ZNF215: variants seen among roughly 807,000 people sequenced by gnomAD.
ZNF215 encodes zinc finger protein 215, also known as BWSCR2-associated zinc finger protein 2.
Under a neutral mutation model 27.2 loss-of-function variants are expected in ZNF215, and 24 were observed. The ratio of observed to expected loss-of-function variants is 0.88; its 90% CI spans 0.64 to 1.24. The LOEUF (loss-of-function observed/expected upper bound fraction) is 1.24. Ranked by LOEUF, ZNF215 falls within the 50% of genes most tolerant of loss-of-function variation. The pLI, the probability that ZNF215 is intolerant of heterozygous loss-of-function variation, is 0.00. For missense variants in ZNF215, 675 were observed against 605.7 expected, an observed-to-expected ratio of 1.11 and a Z score of -1.20; for synonymous variants, 210 against 204.0, an observed-to-expected ratio of 1.03 and a Z score of -0.25.
At chr11:6,983,997 A>G (rs1333737025) in intron 5 of ZNF215, 3 of 252,416 alleles carry the variant, frequency 1.2e-5, no homozygotes, top group African/African-American at 2.4e-5. Context: ...CGCCTAAAAC[A>G]TGATAGTACT....
downstream of ZNF215, among the ~76,000 whole-genome samples, chr11:6,987,281 A>T (rs1389944756): frequency 1.3e-5 from 2 of 152,306 alleles, no homozygotes; most frequent in East Asian, 3.9e-4. Context: ...CAGAAAACCA[A>T]ATACCACTGG....
rs78895643 is a variant in ZNF215 at position 6,943,953 on chromosome 11, T to A, written c.712+312T>A. Among the ~76,000 whole-genome samples, 1,350 of 152,234 alleles carry A rather than the reference T, an allele frequency of 8.9e-3. 28 individuals carry two copies. The highest frequency in any genetic ancestry group is 0.031 in the African/African-American group (1,290 of 41,524). Reference sequence around the variant, plus strand: ...CCTCCAGGTTACTGTGAGGACTAAATGAGTTGGTGTGCCTAGTACACTTAG... The same window carrying A: ...CCTCCAGGTTACTGTGAGGACTAAAAGAGTTGGTGTGCCTAGTACACTTAG... On this transcript the variant is annotated intron_variant, in intron 6 of 6. Coordinates refer to ENST00000278319, the MANE Select transcript of ZNF215 (RefSeq NM_013250.4).
At chr11:6,931,345 GTCTCA>G (rs1175217446) in intron 2 of ZNF215, among the ~76,000 whole-genome samples, 1 of 152,148 alleles carries the variant, frequency 6.6e-6, no homozygotes, top group Non-Finnish European at 1.5e-5. Context: ...ACGTTTATGG[GTCTCA>G]TCTCCCTGTA....
chr11:6,961,476 A>C (rs1850516063), downstream of ZNF215, among the ~76,000 whole-genome samples: 1 of 152,174 alleles, frequency 6.6e-6, no homozygotes, highest in South Asian at 2.1e-4. Context: ...TGGGGTGCCC[A>C]AATTCTCAGC....
At chr11:6,928,292 A>G (rs761589743) in intron 2 of ZNF215, among the ~76,000 whole-genome samples, 3 of 152,066 alleles carry the variant, frequency 2.0e-5, no homozygotes, top group Non-Finnish European at 4.4e-5. Flanking sequence ...CCACTATACT[A>G]TTACTTTTTT....
chr11:6,991,994 C>T (rs1851121464), downstream of ZNF215, among the ~76,000 whole-genome samples: 1 of 152,128 alleles, frequency 6.6e-6, no homozygotes. Flanking sequence ...ACTCTTCTTC[C>T]TTAATAGAAT....
chr11:6,932,522 A>G lies in ZNF215; in HGVS notation c.250A>G (p.Lys84Glu), dbSNP rs1171859398. The G allele has an allele frequency of 1.2e-6, 2 of 1,614,098 alleles. No homozygotes were observed. The highest frequency in any genetic ancestry group is 2.2e-5 in the East Asian group (1 of 44,896). ...ATGGCTGAGACCAGAGATTCATACA[A>G]AGAAGCAGATTATAGAACTGTTGGT... ...LQWLRPEIHT[K>E]KQIIELLVLE... Residue 84 changes from lysine to glutamate, a missense_variant, in exon 3 of 7, where the codon AAG (lysine) becomes GAG (glutamate). Coordinates refer to ENST00000278319, the MANE Select transcript of ZNF215 (RefSeq NM_013250.4).
downstream of ZNF215, among the ~76,000 whole-genome samples, chr11:6,987,357 CTG>C (rs1564980670): frequency 1.3e-5 from 2 of 152,080 alleles, no homozygotes; most frequent in African/African-American, 4.8e-5. Context: ...AAAATAGACA[CTG>C]GGGAATACAA....
chr11:6,958,382 A>G (rs1850447303), downstream of ZNF215, among the ~76,000 whole-genome samples: 1 of 152,244 alleles, frequency 6.6e-6, no homozygotes, highest in Non-Finnish European at 1.5e-5. Flanking sequence ...GAGCCTAAGT[A>G]AAATACTTAT....
intron 3 of ZNF215, among the ~76,000 whole-genome samples, chr11:6,938,699 G>C (rs540086772): frequency 5.3e-5 from 8 of 152,218 alleles, no homozygotes; most frequent in Non-Finnish European, 1.0e-4. Flanking sequence ...GGAATGTCCA[G>C]AATAGGCAAA....
rs1850377569 is a variant in ZNF215, at chr11:6,956,785, T to A, written c.*254T>A. ...ACAGTATCACCATACAAGTATTTGT[T>A]TATCATTATTTTGATATCCATTACC... On this transcript the variant is annotated 3_prime_UTR_variant, in exon 7 of 7. Coordinates refer to ENST00000278319, the MANE Select transcript of ZNF215 (RefSeq NM_013250.4). 8.1e-7 allele frequency: 1 copy of A among 1,235,142 alleles called. No individual in the cohort carries two copies. The highest frequency in any genetic ancestry group is 1.5e-5 in the African/African-American group (1 of 64,928). 76.5% of individuals were successfully genotyped at this position (1,235,142 alleles called of 1,614,324 possible).
intron 5 of ZNF215, among the ~76,000 whole-genome samples, chr11:6,981,555 A>C (rs1353843549): frequency 6.6e-6 from 1 of 152,014 alleles, no homozygotes; most frequent in East Asian, 1.9e-4. Context: ...CCCATTTTGT[A>C]GGTTGCCTGT....
chr11:6,991,161 A>G (rs575459896), downstream of ZNF215, among the ~76,000 whole-genome samples: 1 of 152,288 alleles, frequency 6.6e-6, no homozygotes, highest in African/African-American at 2.4e-5. Context: ...GGGAAAGGGC[A>G]AAGAGTCTCA....
At chr11:6,965,705 A>G (rs1460891678) in intron 5 of ZNF215, among the ~76,000 whole-genome samples, 3 of 152,122 alleles carry the variant, frequency 2.0e-5, no homozygotes, top group Non-Finnish European at 4.4e-5. Flanking sequence ...TTGAATTTCC[A>G]TTTGTTTATT....
intron 5 of ZNF215, 70 bp from the exon 6 acceptor site, chr11:6,943,476 T>C (rs2133222493): frequency 1.4e-6 from 2 of 1,407,350 alleles, no homozygotes; most frequent in South Asian, 2.4e-5. Flanking sequence ...AGAATTATCT[T>C]CTCTATAAAA....
At chr11:6,993,671 C>T (rs539468246), downstream of ZNF215, among the ~76,000 whole-genome samples, 121 of 152,264 alleles carry the variant, frequency 7.9e-4, no homozygotes, top group African/African-American at 2.8e-3. Context: ...TCTTCCTTAT[C>T]CTATTTTTTG....
In ZNF215 at chr11:6,932,429, C is replaced by T. The variant is rs1849296270; in HGVS notation, c.157C>T (p.His53Tyr). 3.7e-6 allele frequency: 6 copies of T among 1,614,058 alleles called. No individual in the cohort carries two copies. The highest frequency in any genetic ancestry group is 5.1e-6 in the Non-Finnish European group (6 of 1,180,048). Residue 53 changes from histidine to tyrosine, a missense_variant, in exon 3 of 7, where the codon CAT (histidine) becomes TAT (tyrosine). Transcript: ENST00000278319. ...DSEASRQKFR[H>Y]FQYLKVSGPH... Reference sequence around the variant, plus strand: ...TGAGGCATCTCGTCAAAAGTTCAGACATTTCCAGTATTTGAAAGTGTCTGG... The same window carrying T: ...TGAGGCATCTCGTCAAAAGTTCAGATATTTCCAGTATTTGAAAGTGTCTGG...
downstream of ZNF215, among the ~76,000 whole-genome samples, chr11:6,961,118 C>A (rs928020323): frequency 2.0e-5 from 3 of 152,050 alleles, no homozygotes; most frequent in African/African-American, 7.2e-5. Flanking sequence ...TAAATCCAAC[C>A]CAAATGTAAC....
intron 6 of ZNF215, among the ~76,000 whole-genome samples, chr11:6,954,584 G>A (rs552849121): frequency 4.6e-5 from 7 of 152,308 alleles, no homozygotes; most frequent in Admixed American, 2.6e-4. Context: ...TAAGCCTGTC[G>A]GGAAAGCGCA....
Sources: allele counts gnomAD v4.1 joint callset (sites outside exome capture counted in the v4.1 genomes callset), GRCh38; gene constraint gnomAD v4.1.1; transcripts MANE v1.5; gene names NCBI Gene and HGNC (gene_info 2026-07-23, HGNC 2026-07-21).